The following CPLX2 variants were observed in gnomAD, a reference collection of about 807,000 sequenced individuals.
The protein encoded by CPLX2 is complexin 2.
A neutral mutation model predicts 16.3 loss-of-function variants in CPLX2; 5 were observed. The observed-to-expected ratio is 0.31, with a 90% CI of 0.16 to 0.64. The LOEUF is 0.64. CPLX2 is among the 30% of genes least tolerant of loss of function. The probability of loss-of-function intolerance (pLI) is 0.79; values close to 1 mark genes in which losing one functional copy is unlikely to be tolerated. For missense variants in CPLX2, 144 were observed against 181.4 expected, an observed-to-expected ratio of 0.79 and a Z score of 1.18; for synonymous variants, 89 against 73.2, an observed-to-expected ratio of 1.22 and a Z score of -1.10.
chr5:175,820,347 G>T (rs1472399298), intron 2 of CPLX2, among the ~76,000 whole-genome samples: 1 of 152,172 alleles, frequency 6.6e-6, no homozygotes, highest in Non-Finnish European at 1.5e-5. Flanking sequence ...TGACTAGCGG[G>T]GCTCCGTGTT....
intron 2 of CPLX2, among the ~76,000 whole-genome samples, chr5:175,832,818 T>A (rs555694036): frequency 5.5e-4 from 84 of 152,132 alleles, no homozygotes; most frequent in African/African-American, 2.0e-3. Context: ...GCCCCACACA[T>A]GAAGCCCTTA....
chr5:175,825,937 CAAAAAAAAA>C lies in CPLX2; in HGVS notation c.-89+16883_-89+16891del, dbSNP rs35250246. ...GGAAGTGGTTTTAAATGAATAAGTG[CAAAAAAAAA>C]AAAAAAAAAAAAAGCCTGGTAACTG... On this transcript the variant is annotated intron_variant, in intron 2 of 4. Transcript: ENST00000359546. Among the ~76,000 whole-genome samples the C allele has an allele frequency of 6.8e-4, 30 of 44,422 alleles. 2 individuals carry two copies. Among genetic ancestry groups the C allele is most frequent in the African/African-American group, 2.8e-3 (29 of 10,274 alleles). 29.1% of individuals were successfully genotyped at this position (44,422 alleles called of 152,430 possible). A position where few individuals can be genotyped will look rare whatever the true frequency, so the allele number is the denominator to read the frequency against.
intron 2 of CPLX2, among the ~76,000 whole-genome samples, chr5:175,860,786 C>A (rs774881210): frequency 2.6e-5 from 4 of 152,034 alleles, no homozygotes; most frequent in Non-Finnish European, 5.9e-5. Context: ...CTAATGCCCA[C>A]CCATGGCAGT....
At position 175,826,610 on chromosome 5, in the gene CPLX2, T is replaced by C. The variant is rs143779873; in HGVS notation, c.-89+17542T>C. Among the ~76,000 whole-genome samples the C allele has an allele frequency of 3.4e-3, 510 of 151,888 alleles. 3 individuals carry two copies. The highest frequency in any genetic ancestry group is 8.8e-3 in the South Asian group (42 of 4,798). On this transcript the variant is annotated intron_variant, in intron 2 of 4. Transcript: ENST00000359546. ...TGAATGGGTTGGATTTGGTGGCTGA[T>C]TGGATGTGGGAAGGAGACGAAGAAA...
chr5:175,815,253 G>C (rs1048574261), intron 2 of CPLX2, among the ~76,000 whole-genome samples: 1 of 152,194 alleles, frequency 6.6e-6, no homozygotes, highest in African/African-American at 2.4e-5. Context: ...GGGGCCCTAG[G>C]GGAAGGGTAC....
chr5:175,844,143 G>C (rs987807343), intron 2 of CPLX2, among the ~76,000 whole-genome samples: 3 of 152,232 alleles, frequency 2.0e-5, no homozygotes, highest in African/African-American at 7.2e-5. Context: ...CCATCTTGAG[G>C]ATGGAAGGCA....
chr5:175,864,935 T>G (rs750642601), intron 2 of CPLX2, among the ~76,000 whole-genome samples: 1 of 152,184 alleles, frequency 6.6e-6, no homozygotes, highest in Non-Finnish European at 1.5e-5. Context: ...TTCCCCTTTC[T>G]CACCCTCTGT....
At chr5:175,838,457 AT>A (rs539781427) in intron 2 of CPLX2, among the ~76,000 whole-genome samples, 14 of 151,844 alleles carry the variant, frequency 9.2e-5, no homozygotes, top group Non-Finnish European at 1.9e-4. Context: ...TTTAGTAGAG[AT>A]GGGGTTTCAC....
intron 1 of CPLX2, among the ~76,000 whole-genome samples, chr5:175,807,604 C>T (rs1171108656): frequency 6.6e-6 from 1 of 152,254 alleles, no homozygotes. Flanking sequence ...TTGTCAGCTC[C>T]CTGAGAGCAG....
chr5:175,859,881 T>C (rs1471004701), intron 2 of CPLX2, among the ~76,000 whole-genome samples: 4 of 152,300 alleles, frequency 2.6e-5, no homozygotes, highest in Admixed American at 2.0e-4. Context: ...TAAGAAGTTT[T>C]CTGAAGGAGG....
intron 2 of CPLX2, among the ~76,000 whole-genome samples, chr5:175,820,092 G>A (rs1758478280): frequency 6.6e-6 from 1 of 152,202 alleles, no homozygotes; most frequent in Non-Finnish European, 1.5e-5. Context: ...TGTGTTGGAG[G>A]CCCAGTGATG....
At chr5:175,822,733 C>T (rs1397301590) in intron 2 of CPLX2, among the ~76,000 whole-genome samples, 3 of 152,220 alleles carry the variant, frequency 2.0e-5, no homozygotes, top group Non-Finnish European at 4.4e-5. Flanking sequence ...CAGTGAAAAT[C>T]GGGCACCCAT....
intron 2 of CPLX2, among the ~76,000 whole-genome samples, chr5:175,823,278 GGGATGGAT>G (rs367673128): frequency 6.6e-6 from 1 of 152,114 alleles, no homozygotes; most frequent in Non-Finnish European, 1.5e-5. Flanking sequence ...GATGGATGGA[GGGATGGAT>G]GGATGGATGG....
Position 175,872,621 on chromosome 5 carries a change from C to A in CPLX2, c.-89+916C>A, listed in dbSNP as rs1019655231. On this transcript the variant is annotated intron_variant, in intron 1 of 3. Coordinates refer to ENST00000393745, the MANE Select transcript of CPLX2 (RefSeq NM_001008220.2). The surrounding 1 kb of genome is among the most constrained non-coding windows in gnomAD (Gnocchi z 5.0). ...GCCACTTCCGCTTTTCAGCCGGAGT[C>A]GGCTCCCTACCTCCTCCCATCCTCC... Among the ~76,000 whole-genome samples, 3 of 152,130 alleles carry A rather than the reference C, an allele frequency of 2.0e-5. No homozygotes were observed. Among genetic ancestry groups the A allele is most frequent in the Admixed American group, 6.5e-5 (1 of 15,282 alleles).
At chr5:175,836,757 CAGT>C (rs1758847699) in intron 2 of CPLX2, among the ~76,000 whole-genome samples, 1 of 152,242 alleles carries the variant, frequency 6.6e-6, no homozygotes, top group Admixed American at 6.5e-5. Flanking sequence ...AGGATAAAAA[CAGT>C]AGTAATCATT....
chr5:175,876,829 G>C (rs1759770112), intron 1 of CPLX2, among the ~76,000 whole-genome samples: 1 of 152,176 alleles, frequency 6.6e-6, no homozygotes, highest in African/African-American at 2.4e-5. Flanking sequence ...TTCATTTCCT[G>C]TTCTTAGAAA....
At chr5:175,815,211 AG>A (rs1758384208) in intron 2 of CPLX2, among the ~76,000 whole-genome samples, 1 of 152,184 alleles carries the variant, frequency 6.6e-6, no homozygotes, top group African/African-American at 2.4e-5. Flanking sequence ...TAAGGTGGTG[AG>A]CTGCTGCAGT....
chr5:175,874,960 A>G (rs1014486702), intron 1 of CPLX2, among the ~76,000 whole-genome samples: 1 of 152,234 alleles, frequency 6.6e-6, no homozygotes, highest in African/African-American at 2.4e-5. Flanking sequence ...GATTCCAGAA[A>G]GCTGGAAAAG....
At chr5:175,838,524 T>A (rs1758885514) in intron 2 of CPLX2, among the ~76,000 whole-genome samples, 1 of 151,822 alleles carries the variant, frequency 6.6e-6, no homozygotes, top group Non-Finnish European at 1.5e-5. Context: ...CGCCTCGGCC[T>A]CCCAAAAGTG....
Sources: gnomAD v4.1 joint callset for allele counts (sites outside exome capture counted in the v4.1 genomes callset) on GRCh38, gnomAD v4.1.1 for gene constraint, Gnocchi (gnomAD v3.1) non-coding constraint, MANE v1.5 for transcripts, NCBI Gene and HGNC (gene_info 2026-07-23, HGNC 2026-07-21) for gene names.